SMARCA4: variants seen among roughly 807,000 people sequenced by gnomAD.
SMARCA4 encodes SWI/SNF-related matrix-associated actin-dependent regulator of chromatin subfamily A member 4.
In SMARCA4, 31 loss-of-function variants were observed where a neutral mutation model predicts 193.9. That is an observed-to-expected ratio of 0.16 (90% confidence interval 0.12 to 0.22). SMARCA4 has a LOEUF of 0.22. SMARCA4 is among the 10% of genes least tolerant of loss of function. The pLI, the probability that SMARCA4 is intolerant of heterozygous loss-of-function variation, is 1.00. For synonymous variants in SMARCA4, 942 were observed against 933.1 expected, an observed-to-expected ratio of 1.01 and a Z score of -0.17; for missense variants, 1,148 against 2,296.0, an observed-to-expected ratio of 0.50 and a Z score of 10.22.
intron 8 of SMARCA4, 129 bp downstream of exon 8, chr19:10,991,452 A>T (rs1208599862): frequency 1.4e-6 from 2 of 1,435,548 alleles, no homozygotes; most frequent in East Asian, 5.0e-5. Context: ...TGCTCATTGT[A>T]ACAGTATTCT....
chr19:11,044,420 A>G (rs913781705), intron 30 of SMARCA4, among the ~76,000 whole-genome samples: 11 of 152,232 alleles, frequency 7.2e-5, no homozygotes, highest in African/African-American at 2.4e-4. Flanking sequence ...GGAGACAGTG[A>G]AAACTCCTCA....
In SMARCA4 at chr19:10,996,507, C is replaced by T. The variant is rs1060502064; in HGVS notation, c.1775C>T (p.Ala592Val). The T allele has an allele frequency of 4.3e-6, 7 of 1,614,204 alleles. No individual in the cohort carries two copies. In the Middle Eastern group the frequency reaches 6.6e-4, roughly 152 times the overall value. The change falls in exon 11 of 35, where the codon GCA (alanine) becomes GTA (valine). Residue 592 changes from alanine to valine, a missense_variant. By Grantham distance (64) the Ala-to-Val change is moderately conservative (BLOSUM62 0). This residue lies in a region of SMARCA4 where 115 missense variants were observed against 175.1 expected (regional missense o/e 0.66). Transcript: ENST00000344626. The part of the protein sequence containing the change: ...KKKKKKKAEN[A>V]EGQTPAIGPD... ...CTCTATTTCCAGAAGGCAGAAAATG[C>T]AGAAGGACAGACGCCTGCCATTGGG...
chr19:11,010,600 G>A (rs900935615), intron 15 of SMARCA4, 69 bp downstream of exon 15: 1 of 1,488,514 alleles, frequency 6.7e-7, no homozygotes, highest in Non-Finnish European at 9.3e-7. Flanking sequence ...GGTGGTGCGG[G>A]CTTCAGACCT....
chr19:11,033,238 C>G lies in SMARCA4; in HGVS notation c.3547-52C>G. ...CAGCTAGTGTCAGAGGCCACCTTCC[C>G]TTTTATGACCTCCTGGGCTCCTTTG... On this transcript the variant is annotated intron_variant, in intron 25 of 34. Coordinates refer to ENST00000344626, the MANE Select transcript of SMARCA4 (RefSeq NM_003072.5). The surrounding 1 kb of genome is among the most constrained non-coding windows in gnomAD (Gnocchi z 9.8). The G allele has an allele frequency of 1.4e-6, 2 of 1,442,426 alleles. No homozygotes were observed. The highest frequency in any genetic ancestry group is 1.1e-5 in the South Asian group (1 of 87,674). 89.4% of individuals were successfully genotyped at this position (1,442,426 alleles called of 1,614,324 possible).
Position 10,973,514 on chromosome 19 carries a change from C to A in SMARCA4, c.-31-10607C>A, listed in dbSNP as rs558452727. ...CTACCAGGTTTACACCATTCTCCTG[C>A]CTTAGCCTCCCGAGTAGCTGGGACT... On this transcript the variant is annotated intron_variant, in intron 1 of 34. Transcript: ENST00000344626. 9.2e-5 allele frequency among the ~76,000 whole-genome samples: 14 copies of A among 152,008 alleles called. No individual in the cohort carries two copies. The South Asian group carries it at 2.9e-3, about 32-fold the overall frequency.
At chr19:11,050,041 G>A (rs747987414) in intron 30 of SMARCA4, among the ~76,000 whole-genome samples, 2 of 152,196 alleles carry the variant, frequency 1.3e-5, no homozygotes, top group African/African-American at 4.8e-5. Context: ...GGAGGTTTCG[G>A]TGAGCCAAGA....
intron 30 of SMARCA4, among the ~76,000 whole-genome samples, chr19:11,050,414 G>A (rs1414227215): frequency 1.3e-5 from 2 of 152,224 alleles, no homozygotes; most frequent in Admixed American, 6.5e-5. Context: ...CAGTCTCCAC[G>A]TCTGCAGCAC....
At chr19:10,975,896 C>T (rs1186334639) in intron 1 of SMARCA4, among the ~76,000 whole-genome samples, 3 of 152,186 alleles carry the variant, frequency 2.0e-5, no homozygotes, top group Non-Finnish European at 2.9e-5. Context: ...CGGCAGCACC[C>T]GATCCAAGGG....
chr19:10,988,116 T>C (rs1028827419), intron 6 of SMARCA4, among the ~76,000 whole-genome samples, 192 bp downstream of exon 6: 3 of 151,432 alleles, frequency 2.0e-5, no homozygotes, highest in African/African-American at 7.3e-5. Context: ...GCAGTTTGAG[T>C]TCTCTCTCTT....
At chr19:10,990,928 G>A (rs947835287) in intron 7 of SMARCA4, among the ~76,000 whole-genome samples, 2 of 152,210 alleles carry the variant, frequency 1.3e-5, no homozygotes, top group Non-Finnish European at 2.9e-5. Flanking sequence ...CTGGAGGTCC[G>A]AGAGGACCCC....
chr19:10,970,096 A>G (rs749156026), intron 1 of SMARCA4, among the ~76,000 whole-genome samples: 2 of 152,152 alleles, frequency 1.3e-5, no homozygotes, highest in Non-Finnish European at 2.9e-5. Flanking sequence ...AGCTGAGTTT[A>G]TGCTTATGAG....
chr19:11,018,906 G>A (rs1333621601), intron 16 of SMARCA4, 51 bp from the exon 17 acceptor site: 9 of 1,470,840 alleles, frequency 6.1e-6, no homozygotes, highest in South Asian at 4.5e-5. Flanking sequence ...TTTGCACAGT[G>A]AGCCATTGAT....
rs897327836 is a variant in SMARCA4, at chr19:10,984,837, C to G, written c.223-436C>G. On this transcript the variant is annotated intron_variant, in intron 2 of 34. Transcript: ENST00000344626. The surrounding 1 kb of genome is among the most constrained non-coding windows in gnomAD (Gnocchi z 4.3). ...TTTACCTCACCTGCGCTGAGCAGGG[C>G]CTTCAGTCAGCAAGGTGGAGAAGGC... is the stretch of plus-strand genomic sequence containing the variant. 5.9e-5 allele frequency among the ~76,000 whole-genome samples: 9 copies of G among 152,210 alleles called. No homozygotes were observed. Among genetic ancestry groups the G allele is most frequent in the African/African-American group, 2.2e-4 (9 of 41,446 alleles).
At chr19:11,016,567 ATAT>A (rs1194675754) in intron 16 of SMARCA4, among the ~76,000 whole-genome samples, 3 of 152,238 alleles carry the variant, frequency 2.0e-5, no homozygotes, top group African/African-American at 7.2e-5. Flanking sequence ...GCGTGAACAA[ATAT>A]TATTTATTTT....
At chr19:11,039,598 A>G in intron 29 of SMARCA4, 1 of 1,170,554 alleles carries the variant, frequency 8.5e-7, no homozygotes, top group Non-Finnish European at 1.2e-6. Flanking sequence ...GCTGCACAAC[A>G]CTGGGGACGT....
chr19:11,025,545 T>C, intron 22 of SMARCA4, 37 bp downstream of exon 22: 1 of 1,475,540 alleles, frequency 6.8e-7, no homozygotes, highest in Non-Finnish European at 9.5e-7. Flanking sequence ...CAGGCCCTGC[T>C]GTCTGCTGAG....
chr19:11,038,869 A>G (rs569994112), intron 29 of SMARCA4, among the ~76,000 whole-genome samples: 56 of 152,354 alleles, frequency 3.7e-4, no homozygotes, highest in African/African-American at 1.3e-3. Flanking sequence ...TTTTACCATG[A>G]GGAATCTGTC....
At position 11,027,940 on chromosome 19, in the gene SMARCA4, C is replaced by T. The variant is rs2090379549; in HGVS notation, c.3372C>T (p.Leu1124=). The change falls in exon 24 of 35, where the codon CTC becomes CTT. Residue 1124 remains leucine (L), a synonymous_variant. Transcript: ENST00000344626. ...TTGCGTATCGCGGCTTTAAATACCTCAGGCTTGATGGTGAGTATGAGCCAG... is the reference window on the plus strand; with the variant it reads ...TTGCGTATCGCGGCTTTAAATACCTTAGGCTTGATGGTGAGTATGAGCCAG... ...DYFAYRGFKY[L]RLDGTTKAED... is the part of the protein sequence containing the mutation. 3 of 1,614,146 alleles carry T rather than the reference C, an allele frequency of 1.9e-6. No homozygotes were observed. The highest frequency in any genetic ancestry group is 2.5e-6 in the Non-Finnish European group (3 of 1,180,006).
At chr19:11,060,511 T>C in intron 34 of SMARCA4, 1 of 485,816 alleles carries the variant, frequency 2.1e-6, no homozygotes, top group East Asian at 3.9e-5. Flanking sequence ...AGGCCAGGGC[T>C]TGATTAGGGT....
Sources: gnomAD v4.1 joint callset for allele counts (sites outside exome capture counted in the v4.1 genomes callset) on GRCh38, gnomAD v4.1.1 for gene constraint, gnomAD v4.1.1 regional missense constraint, Gnocchi (gnomAD v3.1) non-coding constraint, MANE v1.5 for transcripts, NCBI Gene and HGNC (gene_info 2026-07-23, HGNC 2026-07-21) for gene names.